The following ZNF827 variants were observed in gnomAD, a reference collection of about 807,000 sequenced individuals.
ZNF827 encodes the protein zinc finger protein 827.
A neutral mutation model predicts 102.4 loss-of-function variants in ZNF827; 13 were observed. That is an observed-to-expected ratio of 0.13 (90% CI 0.08 to 0.20). The LOEUF (loss-of-function observed/expected upper bound fraction) is 0.20, where lower values mean the gene tolerates loss of function less well. ZNF827 is among the 10% of genes least tolerant of loss of function. The pLI is 1.00. For missense variants in ZNF827, 1,103 were observed against 1,344.4 expected, an observed-to-expected ratio of 0.82 and a Z score of 2.81; for synonymous variants, 523 against 536.2, an observed-to-expected ratio of 0.98 and a Z score of 0.34.
intron 7 of ZNF827, among the ~76,000 whole-genome samples, chr4:145,840,815 C>T (rs577162382): frequency 3.9e-5 from 6 of 152,256 alleles, no homozygotes; most frequent in Admixed American, 6.5e-5. Flanking sequence ...GACACGCATC[C>T]GAACCATCAC....
Position 145,762,432 on chromosome 4 carries a change from T to A in ZNF827, c.*17+658A>T, listed in dbSNP as rs1734677007. On this transcript the variant is annotated intron_variant, in intron 14 of 14. Transcript: ENST00000508784. The surrounding 1 kb of genome is among the most constrained non-coding windows in gnomAD (Gnocchi z 4.9). ...ATAATAATCCAACTGGATTGGAAAT[T>A]CTCAGAGGGCAGGACCATATCTTAC... Among the ~76,000 whole-genome samples the A allele has an allele frequency of 6.6e-6, 1 of 152,198 alleles. No homozygotes were observed. The highest frequency in any genetic ancestry group is 2.4e-5 in the African/African-American group (1 of 41,446).
At position 145,765,630 on chromosome 4, in the gene ZNF827, T is replaced by A; in HGVS notation, c.2969A>T (p.Asn990Ile). 6.2e-7 allele frequency: 1 copy of A among 1,614,112 alleles called. No individual in the cohort carries two copies. Among genetic ancestry groups the A allele is most frequent in the Non-Finnish European group, 8.5e-7 (1 of 1,180,010 alleles). The change falls in exon 12 of 15, where the codon AAC becomes ATC. Residue 990 changes from asparagine (N) to isoleucine (I), a missense_variant. By Grantham distance (149) the Asn-to-Ile change is moderately radical (BLOSUM62 -3). Coordinates refer to ENST00000508784, the MANE Select transcript of ZNF827 (RefSeq NM_001306215.2). This position sits in a 1 kb window ranked among gnomAD's most constrained non-coding sequence, Gnocchi z 4.7. ...GACCAGCAGATTGTTCCCGCCCTTG[T>A]TTTTCTGGGAGCCATCTGAATCATC... ...SKDDSDGSQK[N>I]KGGNNLLVIS... is the part of the protein sequence containing the mutation.
intron 8 of ZNF827, 129 bp from the exon 9 acceptor site, chr4:145,779,640 G>A (rs1348476114): frequency 1.7e-5 from 22 of 1,279,736 alleles, no homozygotes; most frequent in South Asian, 6.1e-5. Context: ...ATGAGTCTCC[G>A]TAACTGGTTT....
intron 1 of ZNF827, among the ~76,000 whole-genome samples, chr4:145,915,707 A>C (rs1752618931): frequency 6.6e-6 from 1 of 152,198 alleles, no homozygotes; most frequent in Admixed American, 6.5e-5. Flanking sequence ...CAAAAGTCTT[A>C]ACTTCTTTCA....
At position 145,842,187 on chromosome 4, in the gene ZNF827, C is replaced by T. The variant is rs150395773; in HGVS notation, c.2279+3769G>A. On this transcript the variant is annotated intron_variant, in intron 7 of 14. Transcript: ENST00000508784. ...TTATTAGTTTCAACCTTTAGCTTCACCTAAACCCCTTTAAAAAAATTGCCA... is the reference window on the plus strand; with the variant it reads ...TTATTAGTTTCAACCTTTAGCTTCATCTAAACCCCTTTAAAAAAATTGCCA... Among the ~76,000 whole-genome samples the T allele has an allele frequency of 5.3e-5, 8 of 152,302 alleles. No individual in the cohort carries two copies. In the East Asian group the frequency reaches 1.3e-3, roughly 26 times the overall value.
At chr4:145,790,098 G>C (rs560532690) in intron 8 of ZNF827, among the ~76,000 whole-genome samples, 1 of 152,280 alleles carries the variant, frequency 6.6e-6, no homozygotes, top group East Asian at 1.9e-4. Flanking sequence ...TCCCAGTGAA[G>C]AAAAATAACA....
At chr4:145,860,413 T>C (rs2126711897) in intron 5 of ZNF827, among the ~76,000 whole-genome samples, 1 of 152,274 alleles carries the variant, frequency 6.6e-6, no homozygotes, top group Non-Finnish European at 1.5e-5. Flanking sequence ...GTACATATGT[T>C]TAGGGCAAGG....
chr4:145,845,091 T>C (rs1317091836), intron 7 of ZNF827, among the ~76,000 whole-genome samples: 2 of 152,238 alleles, frequency 1.3e-5, no homozygotes, highest in African/African-American at 2.4e-5. Context: ...CTCTTGATCA[T>C]CCTGTAAAGC....
Position 145,902,139 on chromosome 4 carries a change from C to A in ZNF827, c.1093+27G>T. On this transcript the variant is annotated intron_variant, in intron 2 of 14. Transcript: ENST00000508784. This position sits in a 1 kb window ranked among gnomAD's most constrained non-coding sequence, Gnocchi z 4.3. Reference sequence around the variant, plus strand: ...CAGTTTATAGTCTAAAGGACTTACACGATGATTGAAAGAAAAGATGCCATA... The same window carrying A: ...CAGTTTATAGTCTAAAGGACTTACAAGATGATTGAAAGAAAAGATGCCATA... The A allele has an allele frequency of 6.4e-7, 1 of 1,558,962 alleles. No individual in the cohort carries two copies. Among genetic ancestry groups the A allele is most frequent in the Non-Finnish European group, 8.6e-7 (1 of 1,158,530 alleles).
chr4:145,770,171 T>G (rs1218556783), intron 11 of ZNF827, among the ~76,000 whole-genome samples: 1 of 152,038 alleles, frequency 6.6e-6, no homozygotes, highest in Non-Finnish European at 1.5e-5. Flanking sequence ...TGGTGCCCCA[T>G]GCCTATGATC....
At chr4:145,887,321 T>C (rs1486237434) in intron 3 of ZNF827, among the ~76,000 whole-genome samples, 3 of 152,154 alleles carry the variant, frequency 2.0e-5, no homozygotes, top group African/African-American at 7.2e-5. Flanking sequence ...AGGTTTCCTT[T>C]CCAAGAGAGC....
intron 1 of ZNF827, among the ~76,000 whole-genome samples, chr4:145,911,319 A>G (rs1372130154): frequency 1.3e-5 from 2 of 152,206 alleles, no homozygotes; most frequent in African/African-American, 4.8e-5. Context: ...TGTGCCATCA[A>G]GGAAACTTTA....
At chr4:145,797,651 A>G (rs1167756083) in intron 8 of ZNF827, among the ~76,000 whole-genome samples, 2 of 152,222 alleles carry the variant, frequency 1.3e-5, no homozygotes, top group Non-Finnish European at 2.9e-5. Context: ...AAATGATGAT[A>G]TGAGTAGAAT....
At chr4:145,837,486 C>G (rs1172625248) in intron 7 of ZNF827, among the ~76,000 whole-genome samples, 1 of 149,108 alleles carries the variant, frequency 6.7e-6, no homozygotes, top group Non-Finnish European at 1.5e-5. Flanking sequence ...CAAAAAAAAA[C>G]TTGTCATCCC....
At chr4:145,870,176 C>T (rs1748554553) in intron 5 of ZNF827, 69 bp downstream of exon 5, 2 of 1,468,908 alleles carry the variant, frequency 1.4e-6, no homozygotes, top group Non-Finnish European at 1.9e-6. Flanking sequence ...ATAACCCATG[C>T]AGGAAGCAGT....
intron 7 of ZNF827, among the ~76,000 whole-genome samples, chr4:145,834,347 C>T (rs997313733): frequency 6.6e-6 from 1 of 152,114 alleles, no homozygotes; most frequent in Non-Finnish European, 1.5e-5. Context: ...TCAGTATTAA[C>T]CCCAAGCGTC....
At position 145,902,212 on chromosome 4, in the gene ZNF827, T is replaced by C; in HGVS notation, c.1047A>G (p.Leu349=). 3 of 1,606,570 alleles carry C rather than the reference T, an allele frequency of 1.9e-6. No individual in the cohort carries two copies. The highest frequency in any genetic ancestry group is 1.1e-5 in the South Asian group (1 of 89,742). ...CTCTTCCCTTAGGAACTGGGAGTAA[T>C]AATAATTCCAGGGATTGTGGTGGTG... is the stretch of plus-strand genomic sequence containing the variant. ...PPPPPQSLEL[L]LLPVPKGRVS... The change falls in exon 2 of 15, where the codon TTA becomes TTG. Residue 349 remains leucine, a synonymous_variant. Transcript: ENST00000508784. This position sits in a 1 kb window ranked among gnomAD's most constrained non-coding sequence, Gnocchi z 4.3.
chr4:145,935,996 G>C (rs1277123525), intron 1 of ZNF827, among the ~76,000 whole-genome samples: 1 of 151,952 alleles, frequency 6.6e-6, no homozygotes, highest in Non-Finnish European at 1.5e-5. Context: ...TTAAAGCAGG[G>C]GGAGAAGAGA....
intron 4 of ZNF827, among the ~76,000 whole-genome samples, chr4:145,882,284 C>A (rs1244295908): frequency 6.6e-6 from 1 of 152,192 alleles, no homozygotes; most frequent in Non-Finnish European, 1.5e-5. Context: ...CTGCCTCAGT[C>A]TAAACCGTGG....
Sources: allele counts gnomAD v4.1 joint callset (sites outside exome capture counted in the v4.1 genomes callset), GRCh38; gene constraint gnomAD v4.1.1; non-coding constraint Gnocchi (gnomAD v3.1); transcripts MANE v1.5; gene names NCBI Gene and HGNC (gene_info 2026-07-23, HGNC 2026-07-21).